XKR3: variants seen among roughly 807,000 people sequenced by gnomAD.
XKR3 encodes XK related 3.
XKR3 carries 27 observed loss-of-function variants against 40.3 expected under a neutral mutation model. That is an observed-to-expected ratio of 0.67 (90% CI 0.49 to 0.92). The LOEUF (loss-of-function observed/expected upper bound fraction) is 0.92. XKR3 is among the 40% of genes least tolerant of loss of function. XKR3 has a pLI of 0.00. For missense variants in XKR3, 472 were observed against 537.6 expected (o/e 0.88, Z 1.21); for synonymous variants, 193 against 195.4 (o/e 0.99, Z 0.10).
rs376570477 is a variant in XKR3, at chr22:16,820,022, G to A, written c.-11+5269C>T. On this transcript the variant is annotated intron_variant, in intron 1 of 3. Coordinates refer to ENST00000684488, the MANE Select transcript of XKR3 (RefSeq NM_001386955.1). ...ATTAAAACACCTACAATTTTAACAA[G>A]TAATGACAACACCAAATGCTGGTGA... Among the ~76,000 whole-genome samples the A allele has an allele frequency of 2.6e-5, 4 of 152,138 alleles. No homozygotes were observed. The South Asian group carries it at 6.2e-4, about 24-fold the overall frequency.
intron 3 of XKR3, among the ~76,000 whole-genome samples, chr22:16,791,795 GAGAGAGAGAGAGAGA>G (rs2060119075): frequency 9.2e-6 from 1 of 108,560 alleles, no homozygotes; most frequent in Non-Finnish European, 2.0e-5. Context: ...GAGAGAGAGA[GAGAGAGAGAGAGAGA>G]GAAAGAGAGA....
intron 1 of XKR3, among the ~76,000 whole-genome samples, chr22:16,814,431 G>A (rs1423855374): frequency 6.6e-6 from 1 of 152,084 alleles, no homozygotes; most frequent in Non-Finnish European, 1.5e-5. Flanking sequence ...AATTTTGAAT[G>A]GAAAGTGTAT....
intron 1 of XKR3, 133 bp from the exon 2 acceptor site, chr22:16,808,216 A>G: frequency 1.6e-6 from 1 of 616,906 alleles, no homozygotes; most frequent in Admixed American, 3.2e-5. Context: ...CACTAATCAG[A>G]ATAGAAAAAT....
chr22:16,813,291 A>G (rs756633123), intron 1 of XKR3, among the ~76,000 whole-genome samples: 1 of 150,514 alleles, frequency 6.6e-6, no homozygotes, highest in Non-Finnish European at 1.5e-5. Flanking sequence ...CTCAAAAAAA[A>G]CAAAAAACAA....
At chr22:16,814,872 C>T (rs1279593364) in intron 1 of XKR3, among the ~76,000 whole-genome samples, 1 of 151,730 alleles carries the variant, frequency 6.6e-6, no homozygotes, top group African/African-American at 2.4e-5. Context: ...TTTTTGTATA[C>T]AAGATCATGT....
intron 1 of XKR3, among the ~76,000 whole-genome samples, chr22:16,809,224 T>C (rs1022810998): frequency 2.0e-5 from 3 of 152,190 alleles, no homozygotes; most frequent in African/African-American, 7.2e-5. Context: ...TTTTCTGATC[T>C]AAATCACACC....
At chr22:16,823,645 A>G (rs2060264673) in intron 1 of XKR3, among the ~76,000 whole-genome samples, 1 of 152,222 alleles carries the variant, frequency 6.6e-6, no homozygotes, top group African/African-American at 2.4e-5. Flanking sequence ...GCAGCATCAC[A>G]AGACTAGTAA....
At chr22:16,808,117 A>G in intron 1 of XKR3, 34 bp from the exon 2 acceptor site, 1 of 1,439,288 alleles carries the variant, frequency 6.9e-7, no homozygotes, top group Non-Finnish European at 9.4e-7. Context: ...CAGTGAATCC[A>G]GTAGAGTTCA....
At chr22:16,820,531 C>G (rs2060251076) in intron 1 of XKR3, among the ~76,000 whole-genome samples, 1 of 152,118 alleles carries the variant, frequency 6.6e-6, no homozygotes. Flanking sequence ...CTCAACTGGT[C>G]TCTGGAGCTC....
chr22:16,808,228 C>T (rs2072466), intron 1 of XKR3, 145 bp from the exon 2 acceptor site: 465,980 of 548,702 alleles, frequency 0.85, 198,859 homozygotes, highest in African/African-American at 0.95. Flanking sequence ...TAGAAAAATC[C>T]ATGTCTGGTT....
chr22:16,797,882 C>T (rs1304981965), intron 3 of XKR3, among the ~76,000 whole-genome samples: 1 of 150,400 alleles, frequency 6.6e-6, no homozygotes. Flanking sequence ...TGAAAAACTG[C>T]TCAGCATAAG....
At chr22:16,791,357 G>T (rs2060114978) in intron 3 of XKR3, among the ~76,000 whole-genome samples, 1 of 151,670 alleles carries the variant, frequency 6.6e-6, no homozygotes, top group Non-Finnish European at 1.5e-5. Context: ...TGAAACAATG[G>T]TTACCAGAGA....
chr22:16,801,652 T>C (rs1260309171), intron 2 of XKR3, among the ~76,000 whole-genome samples: 2 of 151,094 alleles, frequency 1.3e-5, no homozygotes, highest in African/African-American at 4.9e-5. Flanking sequence ...AGAGTTATAA[T>C]TAAAGCATAA....
intron 3 of XKR3, among the ~76,000 whole-genome samples, chr22:16,793,160 G>A (rs1383837597): frequency 2.0e-5 from 3 of 152,140 alleles, no homozygotes; most frequent in Non-Finnish European, 4.4e-5. Flanking sequence ...TTACAGGCAT[G>A]CTCCACCACG....
At chr22:16,817,963 A>C (rs1479432486) in intron 1 of XKR3, among the ~76,000 whole-genome samples, 1 of 152,160 alleles carries the variant, frequency 6.6e-6, no homozygotes, top group African/African-American at 2.4e-5. Context: ...ATTTTCTGGA[A>C]GCACTGCCAA....
chr22:16,802,502 C>A (rs1344583819), intron 2 of XKR3, among the ~76,000 whole-genome samples: 1 of 143,884 alleles, frequency 7.0e-6, no homozygotes, highest in African/African-American at 2.5e-5. Flanking sequence ...TTTTTTTTTT[C>A]TTTTTTTGAG....
chr22:16,795,424 T>C (rs2060136299), intron 3 of XKR3, among the ~76,000 whole-genome samples: 1 of 152,176 alleles, frequency 6.6e-6, no homozygotes, highest in Non-Finnish European at 1.5e-5. Context: ...GGAAAGTTTA[T>C]AGCCCTAAAA....
intron 3 of XKR3, among the ~76,000 whole-genome samples, chr22:16,795,171 T>C (rs1322205642): frequency 6.6e-6 from 1 of 152,088 alleles, no homozygotes; most frequent in Non-Finnish European, 1.5e-5. Flanking sequence ...CAAGCCTCAT[T>C]AAATTCAAAA....
At chr22:16,789,179 G>C (rs1262953814) in intron 3 of XKR3, among the ~76,000 whole-genome samples, 2 of 152,028 alleles carry the variant, frequency 1.3e-5, no homozygotes, top group Non-Finnish European at 2.9e-5. Flanking sequence ...AGAGCAACTG[G>C]ACAAGAGAAA....
Sources: allele counts gnomAD v4.1 joint callset (sites outside exome capture counted in the v4.1 genomes callset), GRCh38; gene constraint gnomAD v4.1.1; transcripts MANE v1.5; gene names NCBI Gene and HGNC (gene_info 2026-07-23, HGNC 2026-07-21).